NOTCH4: variants seen among roughly 807,000 people sequenced by gnomAD.
The protein encoded by NOTCH4 is notch receptor 4.
NOTCH4 carries 138 observed loss-of-function variants against 189.0 expected under a neutral mutation model. The ratio of observed to expected loss-of-function variants is 0.73; its 90% CI spans 0.64 to 0.84. NOTCH4 has a LOEUF of 0.84. NOTCH4 is among the 40% of genes least tolerant of loss of function. NOTCH4 has a pLI of 0.00. For synonymous variants in NOTCH4, 942 were observed against 1,032.8 expected, an observed-to-expected ratio of 0.91 and a Z score of 1.69; for missense variants, 2,286 against 2,605.4, an observed-to-expected ratio of 0.88 and a Z score of 2.67.
At chr6:32,204,604 CCAAA>C (rs1197352214) in intron 18 of NOTCH4, among the ~76,000 whole-genome samples, 4 of 152,188 alleles carry the variant, frequency 2.6e-5, no homozygotes, top group African/African-American at 4.8e-5. Flanking sequence ...TTCCCCAGTC[CCAAA>C]CAATCTCTAT....
chr6:32,220,518 C>T lies in NOTCH4; in HGVS notation c.1046G>A (p.Gly349Asp), dbSNP rs777684671. 124 of 1,613,560 alleles carry T rather than the reference C, an allele frequency of 7.7e-5. 2 individuals are homozygous for T. The South Asian group carries it at 1.3e-3, about 17-fold the overall frequency. The change falls in exon 6 of 30, where the codon GGC (glycine) becomes GAC (aspartate). Residue 349 changes from glycine to aspartate, a missense_variant. Gly to Asp is a moderately conservative substitution (Grantham distance 94, BLOSUM62 -1). Around this residue, in one of 2 missense-constraint regions of NOTCH4, gnomAD observed 1,903 missense variants for 2,261.9 expected, o/e 0.84. Coordinates refer to ENST00000375023, the MANE Select transcript of NOTCH4 (RefSeq NM_004557.4). ...FHCVCVSGWG[G>D]TSCEENLDDC... ...ATCCAGGTTCTCCTCACAGCTTGTG[C>T]CGCCCCAGCCACTCACACACACGCA...
At position 32,204,296 on chromosome 6, in the gene NOTCH4, G is replaced by T; in HGVS notation, c.2959C>A (p.Pro987Thr). Residue 987 changes from proline to threonine, a missense_variant, in exon 19 of 30, where the codon CCT becomes ACT. Pro to Thr is a conservative substitution (Grantham distance 38). Coordinates refer to ENST00000375023, the MANE Select transcript of NOTCH4 (RefSeq NM_004557.4). ...GGGCAGGCACAGTGGAATCCTCCAG[G>T]TTTGGGAGTACAGGTTCCATGGTTG... ...CHNHGTCTPK[P>T]GGFHCACPPG... 6.2e-7 allele frequency: 1 copy of T among 1,613,082 alleles called. No individual in the cohort carries two copies. The highest frequency in any genetic ancestry group is 1.1e-5 in the South Asian group (1 of 91,086).
At chr6:32,215,743 T>C in intron 11 of NOTCH4, 1 of 249,898 alleles carries the variant, frequency 4.0e-6, no homozygotes, top group South Asian at 1.0e-4. Context: ...TATCTGGCAC[T>C]CTATTTAGAC....
In NOTCH4 at chr6:32,198,697, A is replaced by G. The variant is rs758589809; in HGVS notation, c.4569T>C (p.Asp1523=). 2 of 1,612,472 alleles carry G rather than the reference A, an allele frequency of 1.2e-6. No homozygotes were observed. Among genetic ancestry groups the G allele is most frequent in the African/African-American group, 1.3e-5 (1 of 74,938 alleles). Residue 1523 remains aspartate (D), a synonymous_variant, in exon 25 of 30, where the codon GAT becomes GAC. Coordinates refer to ENST00000375023, the MANE Select transcript of NOTCH4 (RefSeq NM_004557.4). This position sits in a 1 kb window ranked among gnomAD's most constrained non-coding sequence, Gnocchi z 5.5. The part of the protein sequence containing the change: ...ALKPKAEVDE[D]GVVMCSGPEE... ...CAGGGCCTGAGCACATCACAACTCC[A>G]TCCTCATCAACTTCTGCCTTTGGCT...
chr6:32,203,077 T>C (rs1788455965), intron 20 of NOTCH4: 1 of 152,470 alleles, frequency 6.6e-6, no homozygotes, highest in Non-Finnish European at 1.5e-5. Flanking sequence ...AGCTAATTTG[T>C]ATTTTTAGTA....
chr6:32,218,144 CCA>C (rs771371266), intron 8 of NOTCH4, 36 bp from the exon 9 acceptor site: 10 of 1,384,834 alleles, frequency 7.2e-6, no homozygotes, highest in African/African-American at 3.0e-5. Context: ...TGTGGCTCAG[CCA>C]GGTCTGCCTG....
In NOTCH4 at chr6:32,221,189, G is replaced by C; in HGVS notation, c.588C>G (p.Asn196Lys). The stretch of plus-strand genomic sequence containing the variant: ...AGGGTCCTGGGTCCTGGAAGCACTC[G>C]TTGACATCACGTTCACAGGCATGGC... ...FEGHACERDV[N>K]ECFQDPGPCP... is the part of the protein sequence containing the mutation. Residue 196 changes from asparagine to lysine, a missense_variant, in exon 4 of 30, where the codon AAC becomes AAG. Coordinates refer to ENST00000375023, the MANE Select transcript of NOTCH4 (RefSeq NM_004557.4). The surrounding 1 kb of genome is among the most constrained non-coding windows in gnomAD (Gnocchi z 4.3). 6.2e-7 allele frequency: 1 copy of C among 1,613,116 alleles called. No homozygotes were observed. The highest frequency in any genetic ancestry group is 8.5e-7 in the Non-Finnish European group (1 of 1,180,038).
At position 32,198,996 on chromosome 6, in the gene NOTCH4, G is replaced by A. The variant is rs1231739465; in HGVS notation, c.4465C>T (p.Arg1489Ter). The change falls in exon 24 of 30, where the codon CGA (arginine) becomes TGA (stop). Residue 1489 changes from arginine (R) to a stop codon, truncating the protein, a stop_gained. Coordinates refer to ENST00000375023, the MANE Select transcript of NOTCH4 (RefSeq NM_004557.4). LOFTEE classifies it high-confidence loss of function. This position sits in a 1 kb window ranked among gnomAD's most constrained non-coding sequence, Gnocchi z 5.5. ...GGAGCTGACTGAGTCCGAGGCCGTC[G>A]AGTGAAACCAGGGGGCAGCCAGAGA... ...GALWLPPGFT[R>*]RPRTQSAPHR... 7.4e-6 allele frequency: 12 copies of A among 1,611,680 alleles called. No homozygotes were observed. In the African/African-American group the frequency reaches 1.2e-4, roughly 16 times the overall value.
At position 32,217,662 on chromosome 6, in the gene NOTCH4, G is replaced by A. The variant is rs891545350; in HGVS notation, c.1624+333C>T. ...GACAGAGGAGTGTCCGGTGAGGCTG[G>A]AGAAGAAAGGCTTGGGGCAGCTTTT... On this transcript the variant is annotated intron_variant, in intron 9 of 29. Coordinates refer to ENST00000375023, the MANE Select transcript of NOTCH4 (RefSeq NM_004557.4). The surrounding 1 kb of genome is among the most constrained non-coding windows in gnomAD (Gnocchi z 4.2). Among the ~76,000 whole-genome samples, 1 of 152,202 alleles carries A rather than the reference G, an allele frequency of 6.6e-6. No homozygotes were observed. Among genetic ancestry groups the A allele is most frequent in the African/African-American group, 2.4e-5 (1 of 41,440 alleles).
intron 18 of NOTCH4, among the ~76,000 whole-genome samples, chr6:32,206,408 C>T (rs1377343690): frequency 6.6e-6 from 1 of 151,932 alleles, no homozygotes; most frequent in Non-Finnish European, 1.5e-5. Context: ...ACGCTAACAG[C>T]AAACAATCAG....
chr6:32,216,946 T>C lies in NOTCH4; in HGVS notation c.1860A>G (p.Thr620=), dbSNP rs2127482750. The change falls in exon 11 of 30, where the codon ACA becomes ACG. Residue 620 remains threonine (T), a splice_region_variant and synonymous_variant. Coordinates refer to ENST00000375023, the MANE Select transcript of NOTCH4 (RefSeq NM_004557.4). ...CTTTCCAGTGCCTCCCCTGTGAACC[T>C]GTGAAACCAGAGGGGCAGAGGCAAA... The part of the protein sequence containing the change: ...AFFCLCPSGF[T]GQLCEVPLCA... 6.2e-7 allele frequency: 1 copy of C among 1,613,108 alleles called. No homozygotes were observed. Among genetic ancestry groups the C allele is most frequent in the Non-Finnish European group, 8.5e-7 (1 of 1,180,024 alleles).
Position 32,195,532 on chromosome 6 carries a change from T to A in NOTCH4, c.5917A>T (p.Thr1973Ser), listed in dbSNP as rs1415928355. The A allele has an allele frequency of 3.1e-6, 5 of 1,612,806 alleles. No individual in the cohort carries two copies. Among genetic ancestry groups the A allele is most frequent in the Non-Finnish European group, 4.2e-6 (5 of 1,179,996 alleles). The change falls in exon 30 of 30, where the codon ACT becomes TCT. Residue 1973 changes from threonine (T) to serine (S), a missense_variant. Physicochemically the swap from Thr to Ser is moderately conservative, Grantham distance 58 (BLOSUM62 1). Around this residue, in one of 2 missense-constraint regions of NOTCH4, gnomAD observed 383 missense variants for 343.5 expected, o/e 1.11. Coordinates refer to ENST00000375023, the MANE Select transcript of NOTCH4 (RefSeq NM_004557.4). The surrounding 1 kb of genome is among the most constrained non-coding windows in gnomAD (Gnocchi z 5.4). ...SNIPIPPPCLTPSPERGSPQL... is the reference protein window; with the variant it reads ...SNIPIPPPCLSPSPERGSPQL... The stretch of plus-strand genomic sequence containing the variant: ...GGTGATCCCCGCTCCGGGGACGGAG[T>A]AAGGCAAGGAGGCGGGATCGGAATG...
At chr6:32,207,173 C>T (rs935191117) in intron 18 of NOTCH4, among the ~76,000 whole-genome samples, 12 of 151,328 alleles carry the variant, frequency 7.9e-5, no homozygotes, top group Middle Eastern at 3.2e-3. Flanking sequence ...TTGTGATCTG[C>T]CCGCCTTGGT....
In NOTCH4 at chr6:32,213,668, A is replaced by G. The variant is rs1483995707; in HGVS notation, c.2320+20T>C. 1.9e-6 allele frequency: 3 copies of G among 1,611,488 alleles called. No homozygotes were observed. In the South Asian group the frequency reaches 3.3e-5, roughly 18 times the overall value. On this transcript the variant is annotated intron_variant, in intron 14 of 29. Transcript: ENST00000375023. The stretch of plus-strand genomic sequence containing the variant: ...CCATTCTCCTGTGGACCCCAGCCCC[A>G]TGACACAGTGGGCACTCACCAGACA...
Position 32,210,670 on chromosome 6 carries a change from TG to T in NOTCH4, c.2865+81del, listed in dbSNP as rs1788951817. ...ATAAAAGGAGGTGAAATGGATACAT[TG>T]GGTCTTCCCTCAGTCACTACTGTCT... is the stretch of plus-strand genomic sequence containing the variant. On this transcript the variant is annotated intron_variant, in intron 18 of 29. Transcript: ENST00000375023. This position sits in a 1 kb window ranked among gnomAD's most constrained non-coding sequence, Gnocchi z 4.8. 7.4e-7 allele frequency: 1 copy of T among 1,358,636 alleles called. No homozygotes were observed. The highest frequency in any genetic ancestry group is 1.4e-5 in the African/African-American group (1 of 69,400). The allele number at this position is 1,358,636 out of a possible 1,614,324, so 84.2% of individuals were successfully genotyped here.
At position 32,199,058 on chromosome 6, in the gene NOTCH4, A is replaced by C. The variant is rs1788166158; in HGVS notation, c.4403T>G (p.Leu1468Arg). The C allele has an allele frequency of 6.2e-7, 1 of 1,612,764 alleles. No individual in the cohort carries two copies. The highest frequency in any genetic ancestry group is 8.5e-7 in the Non-Finnish European group (1 of 1,179,908). The change falls in exon 24 of 30, where the codon CTC becomes CGC. Residue 1468 changes from leucine to arginine, a missense_variant. Transcript: ENST00000375023. This position sits in a 1 kb window ranked among gnomAD's most constrained non-coding sequence, Gnocchi z 4.9. ...TCGGCGTCGACGCCGGATGAGCTGG[A>C]GGACGAGAAGAGCCCCTAGGGCCAG... is the stretch of plus-strand genomic sequence containing the variant. ...ILLALGALLVLQLIRRRRREH... is the reference protein window; with the variant it reads ...ILLALGALLVRQLIRRRRREH...
At position 32,195,502 on chromosome 6, in the gene NOTCH4, G is replaced by C; in HGVS notation, c.5947C>G (p.Leu1983Val). The change falls in exon 30 of 30, where the codon CTT becomes GTT. Residue 1983 changes from leucine to valine, a missense_variant. Leu to Val is a conservative substitution (Grantham distance 32, BLOSUM62 1). Around this residue, in one of 2 missense-constraint regions of NOTCH4, gnomAD observed 383 missense variants for 343.5 expected, o/e 1.11. Coordinates refer to ENST00000375023, the MANE Select transcript of NOTCH4 (RefSeq NM_004557.4). The surrounding 1 kb of genome is among the most constrained non-coding windows in gnomAD (Gnocchi z 5.4). ...TGGAGGGCTGGGGGACCACAGTCAA[G>C]TTGAGGTGATCCCCGCTCCGGGGAC... is the stretch of plus-strand genomic sequence containing the variant. ...TPSPERGSPQ[L>V]DCGPPALQEM... is the part of the protein sequence containing the mutation. 12 of 1,612,988 alleles carry C rather than the reference G, an allele frequency of 7.4e-6. No homozygotes were observed. The highest frequency in any genetic ancestry group is 1.0e-5 in the Non-Finnish European group (12 of 1,179,940).
chr6:32,223,923 C>T lies in NOTCH4; in HGVS notation c.6G>A (p.Gln2=). The change falls in exon 1 of 30, where the codon CAG becomes CAA. Residue 2 remains glutamine, a synonymous_variant. Transcript: ENST00000375023. M[Q]PPSLLLLLLL... is the part of the protein sequence containing the mutation. ...GCAGCAGCAGCAGCAGTGAAGGGGG[C>T]TGCATTCCACAGCCCCTTCTCCAAG... 6.4e-7 allele frequency: 1 copy of T among 1,573,346 alleles called. No individual in the cohort carries two copies.
chr6:32,195,193 T>C lies in NOTCH4; in HGVS notation c.*244A>G. 1 of 533,874 alleles carries C rather than the reference T, an allele frequency of 1.9e-6. No individual in the cohort carries two copies. Among genetic ancestry groups the C allele is most frequent in the Non-Finnish European group, 3.3e-6 (1 of 305,396 alleles). 33.1% of individuals were successfully genotyped at this position (533,874 alleles called of 1,614,324 possible). On this transcript the variant is annotated 3_prime_UTR_variant, in exon 30 of 30. Coordinates refer to ENST00000375023, the MANE Select transcript of NOTCH4 (RefSeq NM_004557.4). The surrounding 1 kb of genome is among the most constrained non-coding windows in gnomAD (Gnocchi z 5.4). ...ATTTCCACTCCACTCTGCCCTCCTG[T>C]GGCCTGTCTTATTTTCTGGAGGAGG...
Sources: gnomAD v4.1 joint callset for allele counts (sites outside exome capture counted in the v4.1 genomes callset) on GRCh38, gnomAD v4.1.1 for gene constraint, gnomAD v4.1.1 regional missense constraint, Gnocchi (gnomAD v3.1) non-coding constraint, MANE v1.5 for transcripts, NCBI Gene and HGNC (gene_info 2026-07-23, HGNC 2026-07-21) for gene names.